Variants in IMPG1 observed in about 807,000 individuals in gnomAD.
The protein encoded by IMPG1 is interphotoreceptor matrix proteoglycan 1.
A neutral mutation model predicts 92.0 loss-of-function variants in IMPG1; 85 were observed. That is an observed-to-expected ratio of 0.92 (90% CI 0.78 to 1.11). IMPG1 has a LOEUF of 1.11. Among genes scored for constraint, IMPG1 ranks in the 50% least tolerant of loss-of-function variants. The pLI is 0.00. For missense variants in IMPG1, 1,022 were observed against 956.0 expected (o/e 1.07, Z -0.91); for synonymous variants, 367 against 334.1 (o/e 1.10, Z -1.08).
intron 14 of IMPG1, among the ~76,000 whole-genome samples, chr6:75,943,088 G>A (rs1026727671): frequency 5.9e-5 from 9 of 152,128 alleles, no homozygotes; most frequent in African/African-American, 2.2e-4. Context: ...ATTGGAACAA[G>A]GGTTTGAATG....
intron 12 of IMPG1, among the ~76,000 whole-genome samples, chr6:75,968,387 T>C (rs1270386390): frequency 1.3e-5 from 2 of 152,178 alleles, no homozygotes; most frequent in Non-Finnish European, 2.9e-5. Context: ...TCCTTTTTTA[T>C]TCTGTTAAAG....
At chr6:76,068,680 C>A (rs575419509) in intron 1 of IMPG1, among the ~76,000 whole-genome samples, 1 of 151,840 alleles carries the variant, frequency 6.6e-6, no homozygotes, top group South Asian at 2.1e-4. Flanking sequence ...CCATGCCTGG[C>A]TAATTTTTAT....
intron 12 of IMPG1, among the ~76,000 whole-genome samples, chr6:75,956,455 T>G (rs1782122943): frequency 6.6e-6 from 1 of 152,172 alleles, no homozygotes; most frequent in Non-Finnish European, 1.5e-5. Context: ...CCCTTTAGCA[T>G]TTTTTACTCT....
chr6:75,960,306 T>C (rs1406381910), intron 12 of IMPG1, among the ~76,000 whole-genome samples: 2 of 152,310 alleles, frequency 1.3e-5, no homozygotes, highest in East Asian at 3.9e-4. Context: ...ACCAGAGCTG[T>C]TCCTATTCGG....
At position 75,921,528 on chromosome 6, in the gene IMPG1, T is replaced by C. The variant is rs1337353475; in HGVS notation, c.*561A>G. The C allele has an allele frequency of 1.3e-5, 2 of 152,672 alleles. No homozygotes were observed. The highest frequency in any genetic ancestry group is 2.9e-5 in the Non-Finnish European group (2 of 68,054). The allele number at this position is 152,672 out of a possible 1,614,324, so 9.5% of individuals were successfully genotyped here. On this transcript the variant is annotated 3_prime_UTR_variant, in exon 17 of 17. Coordinates refer to ENST00000369950, the MANE Select transcript of IMPG1 (RefSeq NM_001563.4). ...AACAGTCTACTATGTAAGCAGTAGT[T>C]GCGTATAAAACTAGTGTGCCTAATA...
chr6:75,940,196 T>G (rs1004464756), intron 14 of IMPG1, among the ~76,000 whole-genome samples: 1 of 152,202 alleles, frequency 6.6e-6, no homozygotes, highest in Non-Finnish European at 1.5e-5. Context: ...ACATTGCCCC[T>G]GGCCATTTTA....
chr6:76,050,013 G>C (rs1181611814), intron 1 of IMPG1, among the ~76,000 whole-genome samples: 1 of 152,110 alleles, frequency 6.6e-6, no homozygotes, highest in Non-Finnish European at 1.5e-5. Flanking sequence ...TATAGACAGG[G>C]AAATTAAAGG....
intron 12 of IMPG1, among the ~76,000 whole-genome samples, chr6:75,980,948 G>T (rs1782617411): frequency 6.6e-6 from 1 of 152,300 alleles, no homozygotes; most frequent in Middle Eastern, 3.4e-3. Flanking sequence ...TGAAGGTAAG[G>T]CCCAGAAGTC....
rs1268243571 is a variant in IMPG1, at chr6:76,022,213, G to A, written c.569C>T (p.Ala190Val). The change falls in exon 6 of 17, where the codon GCC becomes GTC. Residue 190 changes from alanine to valine, a missense_variant. Ala to Val is a moderately conservative substitution (Grantham distance 64). Transcript: ENST00000369950. ...GETIVISTDV[A>V]NVSLGPFPLT... The stretch of plus-strand genomic sequence containing the variant: ...AGGGAAAGGCCCAAGTGAGACGTTG[G>A]CAACATCTGTGAAAATTTTAAAAAT... The A allele has an allele frequency of 1.8e-5, 28 of 1,575,098 alleles. No homozygotes were observed. The highest frequency in any genetic ancestry group is 2.3e-5 in the Non-Finnish European group (27 of 1,151,662).
chr6:76,024,996 T>A (rs564593622), intron 5 of IMPG1, 198 bp downstream of exon 5: 34 of 620,776 alleles, frequency 5.5e-5, no homozygotes, highest in South Asian at 4.4e-4. Context: ...AATGGTTTGG[T>A]TTTACCTTTA....
intron 1 of IMPG1, among the ~76,000 whole-genome samples, chr6:76,070,356 C>T (rs1471258763): frequency 6.6e-6 from 1 of 152,050 alleles, no homozygotes; most frequent in East Asian, 1.9e-4. Flanking sequence ...AATGCTTATG[C>T]ACTGTTGGCA....
rs1782908625 is a variant in IMPG1 at position 75,996,703 on chromosome 6, A to C, written c.1291+6215T>G. ...CTTTCCAGCAAAGGATGTGACTGAC[A>C]TGTCAAGACAGGACAGCTATGTAAT... On this transcript the variant is annotated intron_variant, in intron 12 of 16. Transcript: ENST00000369950. 2.0e-5 allele frequency among the ~76,000 whole-genome samples: 3 copies of C among 152,320 alleles called. No individual in the cohort carries two copies. In the South Asian group the frequency reaches 6.2e-4, roughly 32 times the overall value.
intron 12 of IMPG1, among the ~76,000 whole-genome samples, chr6:75,955,175 T>C (rs1366431786): frequency 6.6e-6 from 1 of 152,240 alleles, no homozygotes; most frequent in African/African-American, 2.4e-5. Flanking sequence ...TTTATGGGGA[T>C]AGCATTTAAT....
chr6:76,038,542 G>A (rs1783781663), intron 2 of IMPG1, among the ~76,000 whole-genome samples: 1 of 152,096 alleles, frequency 6.6e-6, no homozygotes. Flanking sequence ...CCTTACTGGG[G>A]AAGTATCAAA....
chr6:76,037,360 A>T (rs193263670), intron 2 of IMPG1, among the ~76,000 whole-genome samples: 12 of 152,330 alleles, frequency 7.9e-5, no homozygotes, highest in Admixed American at 5.9e-4. Context: ...GAGAGGGTGC[A>T]GTCCTGACCA....
At position 75,922,111 on chromosome 6, in the gene IMPG1, T is replaced by C; in HGVS notation, c.2372A>G (p.His791Arg). The change falls in exon 17 of 17, where the codon CAT becomes CGT. Residue 791 changes from histidine (H) to arginine (R), a missense_variant. His to Arg is a conservative substitution (Grantham distance 29, BLOSUM62 0). This residue lies in a region of IMPG1 where 332 missense variants were observed against 346.2 expected (regional missense o/e 0.96). Transcript: ENST00000369950. The stretch of plus-strand genomic sequence containing the variant: ...TTTTTAATTTCCTTCCCAATCTTGA[T>C]GGTTAAATTCTTCATATTCTACGGT... ...LLTVEYEEFN[H>R]QDWEGN 7.4e-7 allele frequency: 1 copy of C among 1,357,866 alleles called. No individual in the cohort carries two copies. The highest frequency in any genetic ancestry group is 1.0e-6 in the Non-Finnish European group (1 of 958,320). The allele number at this position is 1,357,866 out of a possible 1,614,324, so 84.1% of individuals were successfully genotyped here.
chr6:76,066,581 A>T (rs1784314216), intron 1 of IMPG1, among the ~76,000 whole-genome samples: 1 of 152,158 alleles, frequency 6.6e-6, no homozygotes, highest in Admixed American at 6.5e-5. Flanking sequence ...CTAACAAAAG[A>T]GGCAGCAATA....
chr6:75,995,881 C>T (rs905397237), intron 12 of IMPG1, among the ~76,000 whole-genome samples: 3 of 152,210 alleles, frequency 2.0e-5, no homozygotes, highest in Non-Finnish European at 2.9e-5. Context: ...ATCCTTGTTT[C>T]GGGGTCTGTT....
intron 14 of IMPG1, among the ~76,000 whole-genome samples, chr6:75,942,744 G>A (rs1781856054): frequency 6.6e-6 from 1 of 152,096 alleles, no homozygotes; most frequent in South Asian, 2.1e-4. Context: ...AAAACTAGGA[G>A]CAAAATAGCT....
Sources: gnomAD v4.1 joint callset for allele counts (sites outside exome capture counted in the v4.1 genomes callset) on GRCh38, gnomAD v4.1.1 for gene constraint, gnomAD v4.1.1 regional missense constraint, MANE v1.5 for transcripts, NCBI Gene and HGNC (gene_info 2026-07-23, HGNC 2026-07-21) for gene names.